The following OPA1 variants were observed in gnomAD, a reference collection of about 807,000 sequenced individuals.
The protein encoded by OPA1 is OPA1 mitochondrial dynamin like GTPase, also known as dynamin-like GTPase OPA1, mitochondrial.
Under a neutral mutation model 152.9 loss-of-function variants are expected in OPA1, and 59 were observed. The observed-to-expected ratio is 0.39, with a 90% CI of 0.31 to 0.48. The LOEUF (loss-of-function observed/expected upper bound fraction) is 0.48, where lower values mean the gene tolerates loss of function less well. Among genes scored for constraint, OPA1 ranks in the 20% least tolerant of loss-of-function variants. OPA1 has a pLI of 0.96. For synonymous variants in OPA1, 400 were observed against 389.9 expected, an observed-to-expected ratio of 1.03 and a Z score of -0.31; for missense variants, 1,008 against 1,216.8, an observed-to-expected ratio of 0.83 and a Z score of 2.55.
intron 23 of OPA1, 127 bp from the exon 24 acceptor site, chr3:193,658,760 A>G (rs1487890042): frequency 4.3e-6 from 3 of 690,616 alleles, no homozygotes; most frequent in African/African-American, 3.6e-5. Flanking sequence ...TATAGGAAGG[A>G]TATATTTTTA....
chr3:193,615,458 G>C (rs1024651076), intron 2 of OPA1, among the ~76,000 whole-genome samples: 2 of 152,200 alleles, frequency 1.3e-5, no homozygotes, highest in African/African-American at 4.8e-5. Flanking sequence ...TTTGAAATAG[G>C]AGTATATTCT....
chr3:193,655,489 C>G (rs1042951214), intron 22 of OPA1, among the ~76,000 whole-genome samples: 94 of 151,764 alleles, frequency 6.2e-4, no homozygotes, highest in Non-Finnish European at 1.9e-4. Context: ...TATTAAAAAA[C>G]AAAACAAAAC....
intron 6 of OPA1, among the ~76,000 whole-genome samples, chr3:193,625,219 A>T: frequency 6.6e-6 from 1 of 152,166 alleles, no homozygotes; most frequent in East Asian, 1.9e-4. Context: ...GTATCAATAT[A>T]CTATTTTATA....
intron 1 of OPA1, among the ~76,000 whole-genome samples, chr3:193,606,671 G>T (rs1375686738): frequency 1.3e-5 from 2 of 152,090 alleles, no homozygotes; most frequent in Non-Finnish European, 2.9e-5. Flanking sequence ...TATCATTGTT[G>T]GACATTTGTG....
At chr3:193,632,810 A>G (rs1471140198) in intron 8 of OPA1, among the ~76,000 whole-genome samples, 1 of 152,210 alleles carries the variant, frequency 6.6e-6, no homozygotes, top group East Asian at 1.9e-4. Context: ...GGTCAAGGCT[A>G]CTGTAAGCCA....
chr3:193,607,986 A>G (rs941268524), intron 1 of OPA1, among the ~76,000 whole-genome samples: 2 of 152,106 alleles, frequency 1.3e-5, no homozygotes, highest in Non-Finnish European at 2.9e-5. Flanking sequence ...CATCCCTTGT[A>G]TGTTGGATTC....
intron 6 of OPA1, chr3:193,624,085 C>G (rs1047018270): frequency 6.6e-6 from 1 of 152,478 alleles, no homozygotes; most frequent in Non-Finnish European, 1.5e-5. Context: ...GAGTATTTAC[C>G]ATGCAGTTGT....
At chr3:193,593,561 C>G (rs897122745) in intron 1 of OPA1, 152 bp downstream of exon 1, 1 of 857,158 alleles carries the variant, frequency 1.2e-6, no homozygotes, top group South Asian at 2.5e-5. Context: ...CCCAGAATGA[C>G]AGGAGCCCTG....
chr3:193,597,207 A>G (rs77960587), intron 1 of OPA1, among the ~76,000 whole-genome samples: 2,520 of 152,278 alleles, frequency 0.017, 34 homozygotes, highest in Non-Finnish European at 0.026. Flanking sequence ...GTAGTTGAGG[A>G]TACTGAAAAT....
At chr3:193,688,855 G>A (rs1025061357) in intron 29 of OPA1, among the ~76,000 whole-genome samples, 1 of 152,050 alleles carries the variant, frequency 6.6e-6, no homozygotes, top group African/African-American at 2.4e-5. Context: ...GTGTGGTGCT[G>A]CATGCCTGTG....
At chr3:193,617,424 A>G in intron 4 of OPA1, 139 bp downstream of exon 4, 1 of 657,236 alleles carries the variant, frequency 1.5e-6, no homozygotes, top group Admixed American at 2.8e-5. Flanking sequence ...TTAAAAAGAT[A>G]AACACAAAGT....
At position 193,662,845 on chromosome 3, in the gene OPA1, T is replaced by C. The variant is rs758248456; in HGVS notation, c.2544T>C (p.Asn848=). Residue 848 remains asparagine, a synonymous_variant, in exon 26 of 31, where the codon AAT becomes AAC. Transcript: ENST00000361510. ...QEQCVHNETK[N]ELEKMLKCNE... ...AGTGTGTTCACAATGAAACCAAGAA[T>C]GAATTGGAGAAGATGTTGAAATGTA... is the stretch of plus-strand genomic sequence containing the variant. The C allele has an allele frequency of 6.2e-7, 1 of 1,613,302 alleles. No homozygotes were observed. Among genetic ancestry groups the C allele is most frequent in the Non-Finnish European group, 8.5e-7 (1 of 1,179,404 alleles).
At chr3:193,648,893 C>G in intron 21 of OPA1, 22 bp downstream of exon 21, 1 of 1,461,542 alleles carries the variant, frequency 6.8e-7, no homozygotes, top group East Asian at 2.3e-5. Context: ...ATATTAATCT[C>G]TTTTCTGAAA....
chr3:193,636,729 T>C (rs1189920879), intron 9 of OPA1, among the ~76,000 whole-genome samples: 2 of 152,150 alleles, frequency 1.3e-5, no homozygotes, highest in Admixed American at 6.5e-5. Flanking sequence ...GGTTTAACAG[T>C]CTTCCTGGTT....
intron 13 of OPA1, 106 bp from the exon 14 acceptor site, chr3:193,643,267 T>C: frequency 1.0e-6 from 1 of 954,220 alleles, no homozygotes; most frequent in Non-Finnish European, 1.7e-6. Flanking sequence ...GCGTCTTATC[T>C]GAATGGATGA....
At position 193,632,932 on chromosome 3, in the gene OPA1, G is replaced by A. The variant is rs189394207; in HGVS notation, c.843+1267G>A. Among the ~76,000 whole-genome samples, 312 of 152,326 alleles carry A rather than the reference G, an allele frequency of 2.0e-3. 4 individuals carry two copies. The highest frequency in any genetic ancestry group is 6.3e-4 in the Non-Finnish European group (43 of 68,028). On this transcript the variant is annotated intron_variant, in intron 8 of 30. Coordinates refer to ENST00000361510, the MANE Select transcript of OPA1 (RefSeq NM_130837.3). ...TTGTGAAAAAGTGAAACGACTACAA[G>A]TTGAATATCTCTTATCTGAGGTGCT...
At chr3:193,618,614 A>G (rs1451211654) in intron 5 of OPA1, 10 of 441,982 alleles carry the variant, frequency 2.3e-5, no homozygotes, top group East Asian at 4.1e-5. Context: ...TTATTTTTTT[A>G]TTGTAATTTT....
chr3:193,644,078 A>G lies in OPA1; in HGVS notation c.1581A>G (p.Ala527=), dbSNP rs758025697. The G allele has an allele frequency of 2.5e-6, 4 of 1,613,900 alleles. No homozygotes were observed. The highest frequency in any genetic ancestry group is 3.4e-6 in the Non-Finnish European group (4 of 1,179,822). ...TCGTTTTGACCAAAGTAGACCTGGCAGAGAAAAATGTAGCCAGTCCAAGCA... is the reference window on the plus strand; with the variant it reads ...TCGTTTTGACCAAAGTAGACCTGGCGGAGAAAAATGTAGCCAGTCCAAGCA... ...TIFVLTKVDL[A]EKNVASPSRI... is the part of the protein sequence containing the mutation. Residue 527 remains alanine, a synonymous_variant, in exon 16 of 31, where the codon GCA becomes GCG. Coordinates refer to ENST00000361510, the MANE Select transcript of OPA1 (RefSeq NM_130837.3).
At chr3:193,655,158 T>TC in intron 22 of OPA1, 131 bp downstream of exon 22, 1 of 822,862 alleles carries the variant, frequency 1.2e-6, no homozygotes, top group South Asian at 1.7e-5. Flanking sequence ...TATTCTTTAT[T>TC]CCTCATCTCT....
Sources: allele counts gnomAD v4.1 joint callset (sites outside exome capture counted in the v4.1 genomes callset), GRCh38; gene constraint gnomAD v4.1.1; transcripts MANE v1.5; gene names NCBI Gene and HGNC (gene_info 2026-07-23, HGNC 2026-07-21).